Variants in IGF1R observed in about 807,000 individuals in gnomAD.
IGF1R encodes insulin like growth factor 1 receptor.
A neutral mutation model predicts 144.6 loss-of-function variants in IGF1R; 44 were observed. The observed-to-expected ratio is 0.30, with a 90% CI of 0.24 to 0.39. The LOEUF is 0.39. Ranked by LOEUF, IGF1R falls within the 10% of genes least tolerant of loss-of-function variation. The pLI is 1.00. For synonymous variants in IGF1R, 795 were observed against 722.8 expected (o/e 1.10, Z -1.60); for missense variants, 1,355 against 1,833.7 (o/e 0.74, Z 4.77).
chr15:98,735,500 A>C (rs1478053367), intron 2 of IGF1R, among the ~76,000 whole-genome samples: 7 of 152,228 alleles, frequency 4.6e-5, no homozygotes, highest in Non-Finnish European at 1.0e-4. Context: ...AGAGGTCTCT[A>C]GCCGTGATAG....
chr15:98,840,385 G>A (rs1211977357), intron 2 of IGF1R, among the ~76,000 whole-genome samples: 2 of 152,206 alleles, frequency 1.3e-5, no homozygotes, highest in African/African-American at 2.4e-5. Context: ...ATGGGGAACG[G>A]TGAGTAAGTA....
chr15:98,794,929 C>T (rs1452263895), intron 2 of IGF1R, among the ~76,000 whole-genome samples: 4 of 152,128 alleles, frequency 2.6e-5, no homozygotes, highest in African/African-American at 9.7e-5. Flanking sequence ...ATTGTGTCAT[C>T]CTTGACACCT....
At chr15:98,687,626 A>G (rs1391580400) in intron 1 of IGF1R, among the ~76,000 whole-genome samples, 1 of 152,182 alleles carries the variant, frequency 6.6e-6, no homozygotes, top group Non-Finnish European at 1.5e-5. Flanking sequence ...TGGAGGGTGC[A>G]TTATGGAGGG....
chr15:98,675,814 C>A (rs1363010949), intron 1 of IGF1R, among the ~76,000 whole-genome samples: 8 of 17,870 alleles, frequency 4.5e-4, no homozygotes, highest in Non-Finnish European at 1.6e-3. Flanking sequence ...TCTTTTTTTT[C>A]TTTCTTTCTT....
At chr15:98,842,548 G>T (rs148714723) in intron 2 of IGF1R, among the ~76,000 whole-genome samples, 2 of 152,310 alleles carry the variant, frequency 1.3e-5, no homozygotes, top group East Asian at 3.9e-4. Flanking sequence ...TAATTGATGT[G>T]TTAACAATTT....
chr15:98,810,570 T>TTTG (rs1555447972), intron 2 of IGF1R, among the ~76,000 whole-genome samples: 2 of 150,968 alleles, frequency 1.3e-5, no homozygotes, highest in African/African-American at 4.9e-5. Context: ...TTTTTTTTTT[T>TTTG]GAGACGGAGT....
intron 20 of IGF1R, 96 bp downstream of exon 20, chr15:98,948,804 C>T (rs1304012998): frequency 1.4e-6 from 2 of 1,427,664 alleles, no homozygotes; most frequent in South Asian, 1.1e-5. Context: ...AAGCCATTCT[C>T]TCTGGTCCTG....
In IGF1R at chr15:98,788,054, C is replaced by CTGTGTG. The variant is rs771505030; in HGVS notation, c.640+79948_640+79949insGTGTGT. Among the ~76,000 whole-genome samples, 844 of 142,310 alleles carry CTGTGTG rather than the reference C, an allele frequency of 5.9e-3. 6 individuals are homozygous for CTGTGTG. The highest frequency in any genetic ancestry group is 0.011 in the Middle Eastern group (3 of 280). 93.4% of individuals were successfully genotyped at this position (142,310 alleles called of 152,430 possible). ...TAGGGATCTCTCTCTCTCTCTCTCT[C>CTGTGTG]TCTCTCTCTGTGTGTGTGTGTGTGT... On this transcript the variant is annotated intron_variant, in intron 2 of 20. Transcript: ENST00000650285.
chr15:98,796,492 G>A (rs962252), intron 2 of IGF1R, among the ~76,000 whole-genome samples: 151,658 of 152,234 alleles, frequency 1, 75,543 homozygotes, highest in East Asian at 1. Context: ...CCTGCAGGGA[G>A]AAAAGAGATA....
At chr15:98,664,690 C>CA (rs573877268) in intron 1 of IGF1R, among the ~76,000 whole-genome samples, 11,875 of 69,502 alleles carry the variant, frequency 0.17, 1,549 homozygotes, top group African/African-American at 0.3. Context: ...GACTCCATGT[C>CA]AAAAAAAAAA....
intron 2 of IGF1R, among the ~76,000 whole-genome samples, chr15:98,740,711 T>C (rs1000203689): frequency 7.9e-5 from 12 of 152,224 alleles, no homozygotes; most frequent in Non-Finnish European, 1.8e-4. Flanking sequence ...AGGAAGATCC[T>C]AAAATCTCTG....
At chr15:98,865,280 A>C (rs1344744033) in intron 2 of IGF1R, among the ~76,000 whole-genome samples, 2 of 152,246 alleles carry the variant, frequency 1.3e-5, no homozygotes, top group Admixed American at 6.5e-5. Flanking sequence ...GATAGGTAAA[A>C]TCTATTTGAG....
At chr15:98,689,212 G>A (rs548001676) in intron 1 of IGF1R, among the ~76,000 whole-genome samples, 1 of 150,484 alleles carries the variant, frequency 6.6e-6, no homozygotes, top group Admixed American at 6.6e-5. Flanking sequence ...TCAAGGACAA[G>A]CAGCTTTGGA....
intron 4 of IGF1R, 68 bp downstream of exon 4, chr15:98,896,973 C>T: frequency 6.7e-7 from 1 of 1,493,784 alleles, no homozygotes; most frequent in Non-Finnish European, 9.3e-7. Flanking sequence ...GCTTTTCATG[C>T]TCCCGTCCCT....
chr15:98,870,267 C>T (rs1394404830), intron 2 of IGF1R, among the ~76,000 whole-genome samples: 2 of 152,264 alleles, frequency 1.3e-5, no homozygotes, highest in Non-Finnish European at 2.9e-5. Flanking sequence ...CTCATTCTCT[C>T]TTCCACCTAG....
intron 2 of IGF1R, among the ~76,000 whole-genome samples, chr15:98,835,318 G>A (rs569654190): frequency 6.6e-6 from 1 of 152,194 alleles, no homozygotes; most frequent in Non-Finnish European, 1.5e-5. Context: ...TAGATGGAAA[G>A]AGTGCAGATA....
intron 1 of IGF1R, among the ~76,000 whole-genome samples, chr15:98,663,544 A>G (rs983804077): frequency 9.2e-5 from 14 of 152,186 alleles, no homozygotes; most frequent in Non-Finnish European, 1.9e-4. Flanking sequence ...ACGCCCTCCT[A>G]TTGTGTTCCT....
intron 2 of IGF1R, among the ~76,000 whole-genome samples, chr15:98,854,805 T>G (rs1043096270): frequency 1.3e-5 from 2 of 152,110 alleles, no homozygotes; most frequent in Non-Finnish European, 2.9e-5. Context: ...CATCACTACT[T>G]TAATCCCTGC....
intron 1 of IGF1R, among the ~76,000 whole-genome samples, chr15:98,681,400 GTC>G: frequency 6.6e-6 from 1 of 152,350 alleles, no homozygotes; most frequent in South Asian, 2.1e-4. Context: ...ATTGATTGCA[GTC>G]TCGTGCAATG....
Sources: allele counts gnomAD v4.1 joint callset (sites outside exome capture counted in the v4.1 genomes callset), GRCh38; gene constraint gnomAD v4.1.1; transcripts MANE v1.5; gene names NCBI Gene and HGNC (gene_info 2026-07-23, HGNC 2026-07-21).